C12orf42: variants seen among roughly 807,000 people sequenced by gnomAD.
The protein encoded by C12orf42 is uncharacterized protein C12orf42.
C12orf42 carries 25 observed loss-of-function variants against 21.6 expected under a neutral mutation model. The observed-to-expected ratio is 1.16, with a 90% confidence interval of 0.84 to 1.62. The LOEUF (loss-of-function observed/expected upper bound fraction) is 1.62. Ranked by LOEUF, C12orf42 falls within the 40% of genes most tolerant of loss-of-function variation. The pLI is 0.00. For synonymous variants in C12orf42, 174 were observed against 175.0 expected (o/e 0.99, Z 0.05); for missense variants, 483 against 459.3 (o/e 1.05, Z -0.47).
At chr12:103,553,526 C>T in the C12orf42 span, among the ~76,000 whole-genome samples, 2 of 152,168 alleles carry the variant, frequency 1.3e-5, no homozygotes, top group African/African-American at 4.8e-5. Flanking sequence ...TCTCAACCGT[C>T]TTCACCAGCA....
intron 10 of C12orf42, among the ~76,000 whole-genome samples, chr12:103,244,131 C>T (rs1203681260): frequency 1.3e-5 from 2 of 152,158 alleles, no homozygotes; most frequent in African/African-American, 2.4e-5. Context: ...CAGTAGGTCA[C>T]ATTTATGTTA....
At chr12:103,277,261 T>C in intron 4 of C12orf42, 1 of 390,352 alleles carries the variant, frequency 2.6e-6, no homozygotes, top group Non-Finnish European at 5.0e-6. Context: ...AACTGTATAT[T>C]AATTCAAAAA....
At chr12:103,068,371 G>T in the C12orf42 span, among the ~76,000 whole-genome samples, 13 of 152,066 alleles carry the variant, frequency 8.5e-5, no homozygotes, top group Admixed American at 1.3e-4. Flanking sequence ...GTTGTACAAA[G>T]GATAGTTGTA....
chr12:103,239,125 A>G (rs958473604), intron 10 of C12orf42, among the ~76,000 whole-genome samples: 1 of 152,174 alleles, frequency 6.6e-6, no homozygotes, highest in African/African-American at 2.4e-5. Context: ...GCACTCTATA[A>G]TATTTGGATA....
chr12:103,283,098 CATTCTATTTCAT>C (rs942279146), intron 4 of C12orf42, among the ~76,000 whole-genome samples: 3 of 152,142 alleles, frequency 2.0e-5, no homozygotes, highest in Non-Finnish European at 4.4e-5. Context: ...ATGAATGTTT[CATTCTATTTCAT>C]ATTCTATTTT....
At chr12:103,415,615 T>A (rs932642201) in intron 2 of C12orf42, among the ~76,000 whole-genome samples, 2 of 152,178 alleles carry the variant, frequency 1.3e-5, no homozygotes, top group Non-Finnish European at 2.9e-5. Flanking sequence ...TAGAAATCAA[T>A]ATCAAGTGCT....
the C12orf42 span, among the ~76,000 whole-genome samples, chr12:103,539,993 T>TTTTTTGTTTTTGTTTTTG: frequency 1.3e-3 from 198 of 150,924 alleles, 4 homozygotes; most frequent in South Asian, 6.8e-3. Context: ...CATGAGGTCG[T>TTTTTTGTTTTTGTTTTTG]TTTTTGTTTT....
chr12:103,101,021 C>T, the C12orf42 span, among the ~76,000 whole-genome samples: 4 of 152,208 alleles, frequency 2.6e-5, no homozygotes, highest in East Asian at 1.9e-4. Flanking sequence ...CGAATCCTGG[C>T]TCTTAAATAT....
chr12:103,199,652 AACC>A, the C12orf42 span, among the ~76,000 whole-genome samples: 1 of 152,186 alleles, frequency 6.6e-6, no homozygotes, highest in Non-Finnish European at 1.5e-5. Context: ...TAGGCAAAGA[AACC>A]ATTAATAAAC....
the C12orf42 span, among the ~76,000 whole-genome samples, chr12:103,513,001 C>CAAAA: frequency 4.8e-5 from 6 of 123,938 alleles, no homozygotes; most frequent in African/African-American, 1.7e-4. Flanking sequence ...GACTCCATAT[C>CAAAA]AAAAAAAAAA....
At chr12:103,309,398 ATTACT>A (rs1290256993) in intron 4 of C12orf42, among the ~76,000 whole-genome samples, 3 of 152,356 alleles carry the variant, frequency 2.0e-5, no homozygotes, top group East Asian at 1.9e-4. Flanking sequence ...TTTTCTTTAG[ATTACT>A]TTATTGTAAG....
chr12:103,225,776 T>C, the C12orf42 span, among the ~76,000 whole-genome samples: 1 of 152,100 alleles, frequency 6.6e-6, no homozygotes, highest in Admixed American at 6.6e-5. Flanking sequence ...CCCACAACAG[T>C]TATGGAGGCA....
the C12orf42 span, among the ~76,000 whole-genome samples, chr12:103,181,135 AC>A: frequency 6.6e-6 from 1 of 151,782 alleles, no homozygotes; most frequent in Non-Finnish European, 1.5e-5. Flanking sequence ...GGTGGCACAC[AC>A]CTGTAGTCCC....
chr12:103,465,264 T>C (rs971392155), intron 2 of C12orf42, among the ~76,000 whole-genome samples: 7 of 152,234 alleles, frequency 4.6e-5, no homozygotes, highest in African/African-American at 1.7e-4. Flanking sequence ...GTTTGTATCC[T>C]CTGATTTCCT....
chr12:103,117,830 C>A, the C12orf42 span, among the ~76,000 whole-genome samples: 1 of 152,124 alleles, frequency 6.6e-6, no homozygotes. Context: ...TTGTAAATAA[C>A]AACATTGAAG....
chr12:103,135,102 C>T, the C12orf42 span, among the ~76,000 whole-genome samples: 5 of 152,086 alleles, frequency 3.3e-5, no homozygotes, highest in South Asian at 2.1e-4. Flanking sequence ...AGGGACAATA[C>T]GTATCATCAT....
upstream of C12orf42, among the ~76,000 whole-genome samples, chr12:103,496,968 T>C (rs973463421): frequency 6.6e-6 from 1 of 152,140 alleles, no homozygotes; most frequent in Non-Finnish European, 1.5e-5. Flanking sequence ...AAAAAGTAAG[T>C]TTGTACTATT....
intron 2 of C12orf42, among the ~76,000 whole-genome samples, chr12:103,444,646 G>C (rs1039594638): frequency 6.6e-6 from 1 of 151,946 alleles, no homozygotes; most frequent in African/African-American, 2.4e-5. Flanking sequence ...ATTTGTTTCT[G>C]AAAGATGTGT....
At chr12:103,252,048 A>C (rs534269203) in intron 10 of C12orf42, among the ~76,000 whole-genome samples, 1 of 152,222 alleles carries the variant, frequency 6.6e-6, no homozygotes, top group African/African-American at 2.4e-5. Context: ...GGTTTGCTGC[A>C]CCTATCAACT....
Sources: gnomAD v4.1 joint callset for allele counts (sites outside exome capture counted in the v4.1 genomes callset) on GRCh38, gnomAD v4.1.1 for gene constraint, MANE v1.5 for transcripts, NCBI Gene and HGNC (gene_info 2026-07-23, HGNC 2026-07-21) for gene names.